CHD3: variants seen among roughly 807,000 people sequenced by gnomAD.
CHD3 encodes the protein chromodomain helicase DNA binding protein 3.
In CHD3, 52 loss-of-function variants were observed where a neutral mutation model predicts 248.9. The ratio of observed to expected loss-of-function variants is 0.21; its 90% confidence interval spans 0.17 to 0.26. The LOEUF (loss-of-function observed/expected upper bound fraction) is 0.26, where lower values mean the gene tolerates loss of function less well. Ranked by LOEUF, CHD3 falls within the 10% of genes least tolerant of loss-of-function variation. The probability of loss-of-function intolerance (pLI) is 1.00; values close to 1 mark genes in which losing one functional copy is unlikely to be tolerated. For missense variants in CHD3, 1,482 were observed against 2,605.8 expected (o/e 0.57, Z 9.39); for synonymous variants, 985 against 985.2 (o/e 1.00, Z 0.00).
In CHD3 at chr17:7,896,904, C is replaced by CTG. The variant is rs536658411; in HGVS notation, c.1708-179_1708-178insTG. Among the ~76,000 whole-genome samples the CTG allele has an allele frequency of 1.2e-3, 183 of 152,288 alleles. 4 individuals are homozygous for CTG. In the East Asian group the frequency reaches 0.028, roughly 23 times the overall value. On this transcript the variant is annotated intron_variant, in intron 10 of 39. Coordinates refer to ENST00000330494, the MANE Select transcript of CHD3 (RefSeq NM_001005273.3). ...GAACTCCTGACCTCAGGTGATCCAC[C>CTG]CGCCTGAGCCTCCTAAAGCACTGGG...
In CHD3 at chr17:7,903,546, C is replaced by G. The variant is rs755648643; in HGVS notation, c.3727+43C>G. ...AGCTCTGTGAAAGCAGGCCCCTGCT[C>G]TCTCAGGAGTACTTATCAGCCCCCT... is the stretch of plus-strand genomic sequence containing the variant. On this transcript the variant is annotated intron_variant, in intron 23 of 39. Coordinates refer to ENST00000330494, the MANE Select transcript of CHD3 (RefSeq NM_001005273.3). The surrounding 1 kb of genome is among the most constrained non-coding windows in gnomAD (Gnocchi z 6.8). 5.4e-6 allele frequency: 8 copies of G among 1,494,472 alleles called. No individual in the cohort carries two copies. The East Asian group carries it at 7.1e-5, about 13-fold the overall frequency. The allele number at this position is 1,494,472 out of a possible 1,614,324, so 92.6% of individuals were successfully genotyped here. A position where few individuals can be genotyped will look rare whatever the true frequency, so the allele number is the denominator to read the frequency against.
Position 7,900,194 on chromosome 17 carries a change from G to A in CHD3, c.2683-96G>A. 6.5e-7 allele frequency: 1 copy of A among 1,541,804 alleles called. No individual in the cohort carries two copies. Among genetic ancestry groups the A allele is most frequent in the Admixed American group, 1.7e-5 (1 of 57,544 alleles). On this transcript the variant is annotated intron_variant, in intron 16 of 39. Transcript: ENST00000330494. The surrounding 1 kb of genome is among the most constrained non-coding windows in gnomAD (Gnocchi z 6.5). ...AGATTTGGGGCCTCTGATCCTGAGT[G>A]AAATGGGAGCTGGGGCAGGGAAAGG...
Position 7,899,321 on chromosome 17 carries a change from TG to T in CHD3, c.2344-21del, listed in dbSNP as rs1331213417. 1 of 1,613,102 alleles carries T rather than the reference TG, an allele frequency of 6.2e-7. No individual in the cohort carries two copies. The highest frequency in any genetic ancestry group is 1.7e-5 in the Admixed American group (1 of 60,004). Reference sequence around the variant, plus strand: ...TACGGCCTCTAGCCTAGACTTATGCTGCCCCCATTCTTGACTCCCAGGGCCA... The same window carrying T: ...TACGGCCTCTAGCCTAGACTTATGCTCCCCCATTCTTGACTCCCAGGGCCA... On this transcript the variant is annotated intron_variant, in intron 14 of 39. Transcript: ENST00000330494. This position sits in a 1 kb window ranked among gnomAD's most constrained non-coding sequence, Gnocchi z 6.8.
rs1253266097 is a variant in CHD3, at chr17:7,907,860, T to A, written c.5027-34T>A. On this transcript the variant is annotated intron_variant, in intron 33 of 39. Transcript: ENST00000330494. The surrounding 1 kb of genome is among the most constrained non-coding windows in gnomAD (Gnocchi z 4.3). The stretch of plus-strand genomic sequence containing the variant: ...CTTGGGACCTGGGAGGAGGGTGTCC[T>A]GAGGTGTGAGCTTTGACCTGTCTGT... The A allele has an allele frequency of 1.3e-6, 2 of 1,598,304 alleles. No homozygotes were observed. Among genetic ancestry groups the A allele is most frequent in the Non-Finnish European group, 1.7e-6 (2 of 1,169,644 alleles).
chr17:7,884,914 G>T, upstream of CHD3: 1 of 1,418,606 alleles, frequency 7.0e-7, no homozygotes. Context: ...AGGAGGAGGT[G>T]GAGGCGGCCG....
At chr17:7,887,794 G>A (rs983874995), upstream of CHD3, among the ~76,000 whole-genome samples, 1 of 152,234 alleles carries the variant, frequency 6.6e-6, no homozygotes, top group African/African-American at 2.4e-5. Context: ...AGCCGGGGAT[G>A]TGGGAGAGTC....
At position 7,906,179 on chromosome 17, in the gene CHD3, A is replaced by G. The variant is rs1461098505; in HGVS notation, c.4358+190A>G. The G allele has an allele frequency of 1.1e-6, 1 of 926,078 alleles. No individual in the cohort carries two copies. Among genetic ancestry groups the G allele is most frequent in the Admixed American group, 1.7e-5 (1 of 58,884 alleles). 57.4% of individuals were successfully genotyped at this position (926,078 alleles called of 1,614,324 possible). A position where few individuals can be genotyped will look rare whatever the true frequency, so the allele number is the denominator to read the frequency against. ...ACTCCACCTCCCCTCAGCCGAGCCT[A>G]GAGTAGAGGGGCCAGGCATCCTCCC... On this transcript the variant is annotated intron_variant, in intron 28 of 39. Coordinates refer to ENST00000330494, the MANE Select transcript of CHD3 (RefSeq NM_001005273.3). The surrounding 1 kb of genome is among the most constrained non-coding windows in gnomAD (Gnocchi z 5.0).
At chr17:7,894,080 G>T (rs772539844) in intron 6 of CHD3, 35 bp from the exon 7 acceptor site, 2 of 1,518,706 alleles carry the variant, frequency 1.3e-6, no homozygotes, top group East Asian at 5.4e-5. Flanking sequence ...GTAGAATGAA[G>T]TCTGCCTCAC....
Position 7,889,775 on chromosome 17 carries a change from G to T in CHD3, c.212G>T (p.Arg71Leu), listed in dbSNP as rs766019097. ...KPGKPRKRKK[R>L]DSEEEFGSER... is the part of the protein sequence containing the mutation. ...GGAAAACCCCGAAAACGCAAGAAGCGTGTAAGTGTCAAGAATTCCTAACTC... is the reference window on the plus strand; with the variant it reads ...GGAAAACCCCGAAAACGCAAGAAGCTTGTAAGTGTCAAGAATTCCTAACTC... Residue 71 changes from arginine to leucine, a missense_variant and splice_region_variant, in exon 2 of 40, where the codon CGT becomes CTT. Physicochemically the swap from Arg to Leu is moderately radical, Grantham distance 102. Coordinates refer to ENST00000330494, the MANE Select transcript of CHD3 (RefSeq NM_001005273.3). This position sits in a 1 kb window ranked among gnomAD's most constrained non-coding sequence, Gnocchi z 4.5. The T allele has an allele frequency of 6.2e-7, 1 of 1,608,284 alleles. No individual in the cohort carries two copies. Among genetic ancestry groups the T allele is most frequent in the Admixed American group, 1.7e-5 (1 of 59,498 alleles).
At chr17:7,884,855 G>A, upstream of CHD3, 1 of 1,161,438 alleles carries the variant, frequency 8.6e-7, no homozygotes. Context: ...GGAGATGGTG[G>A]TGTCGGAGGA....
intron 20 of CHD3, 75 bp downstream of exon 20, chr17:7,901,450 C>T (rs186219028): frequency 1.9e-4 from 261 of 1,351,264 alleles, no homozygotes; most frequent in Non-Finnish European, 2.3e-4. Flanking sequence ...TAATTTCTTA[C>T]GGTCTTCCTG....
At position 7,906,043 on chromosome 17, in the gene CHD3, GT is replaced by G. The variant is rs1364294326; in HGVS notation, c.4358+56del. On this transcript the variant is annotated intron_variant, in intron 28 of 39. Transcript: ENST00000330494. This position sits in a 1 kb window ranked among gnomAD's most constrained non-coding sequence, Gnocchi z 5.0. ...GGACGCAAGGGGAAGAGCTTTGGGT[GT>G]TCCTTTCTTCCTTGGGGCCGCCATA... 1.5e-5 allele frequency: 24 copies of G among 1,607,778 alleles called. No individual in the cohort carries two copies. Among genetic ancestry groups the G allele is most frequent in the Non-Finnish European group, 1.9e-5 (22 of 1,176,360 alleles).
chr17:7,887,788 G>A (rs1230931193), upstream of CHD3, among the ~76,000 whole-genome samples: 2 of 152,208 alleles, frequency 1.3e-5, no homozygotes, highest in Non-Finnish European at 2.9e-5. Flanking sequence ...GATCCGAGCC[G>A]GGGATGTGGG....
In CHD3 at chr17:7,903,248, C is replaced by G; in HGVS notation, c.3496-24C>G. The G allele has an allele frequency of 6.2e-7, 1 of 1,610,162 alleles. No homozygotes were observed. Among genetic ancestry groups the G allele is most frequent in the Non-Finnish European group, 8.5e-7 (1 of 1,177,298 alleles). ...TCCCCGGCCACTCCCCTGACCCACC[C>G]GCCACTTTCTCTTGCCCCTGCAGGC... On this transcript the variant is annotated intron_variant, in intron 22 of 39. Coordinates refer to ENST00000330494, the MANE Select transcript of CHD3 (RefSeq NM_001005273.3). The surrounding 1 kb of genome is among the most constrained non-coding windows in gnomAD (Gnocchi z 6.8).
chr17:7,907,205 G>A lies in CHD3; in HGVS notation c.4746G>A (p.Lys1582=), dbSNP rs372490885. The change falls in exon 31 of 40, where the codon AAG becomes AAA. Residue 1582 remains lysine (K), a synonymous_variant. Transcript: ENST00000330494. The surrounding 1 kb of genome is among the most constrained non-coding windows in gnomAD (Gnocchi z 4.3). ...EKEEAENQEE[K]PEKNSRIGEK... ...AGGAAGCTGAAAACCAGGAGGAAAA[G>A]CCAGAGAAGAACAGCAGAATTGGGG... 1 of 1,614,258 alleles carries A rather than the reference G, an allele frequency of 6.2e-7. No individual in the cohort carries two copies. Among genetic ancestry groups the A allele is most frequent in the South Asian group, 1.1e-5 (1 of 91,090 alleles).
At chr17:7,896,214 C>G (rs1432533672) in intron 10 of CHD3, among the ~76,000 whole-genome samples, 1 of 119,594 alleles carries the variant, frequency 8.4e-6, no homozygotes, top group African/African-American at 4.0e-5. Flanking sequence ...GGCGACAGAG[C>G]GACACTCTAT....
rs905910472 is a variant in CHD3 at position 7,897,526 on chromosome 17, G to A, written c.1919+232G>A. On this transcript the variant is annotated intron_variant, in intron 11 of 39. Coordinates refer to ENST00000330494, the MANE Select transcript of CHD3 (RefSeq NM_001005273.3). This position sits in a 1 kb window ranked among gnomAD's most constrained non-coding sequence, Gnocchi z 4.8. ...TCCTTTGCCTCCTGTCATCTCCAGT[G>A]GCATAAGACATAGCACATGAGTCTG... Among the ~76,000 whole-genome samples, 1 of 152,156 alleles carries A rather than the reference G, an allele frequency of 6.6e-6. No homozygotes were observed. Among genetic ancestry groups the A allele is most frequent in the African/African-American group, 2.4e-5 (1 of 41,428 alleles).
upstream of CHD3, among the ~76,000 whole-genome samples, chr17:7,885,395 C>G (rs1967729698): frequency 6.7e-6 from 1 of 148,860 alleles, no homozygotes; most frequent in Non-Finnish European, 1.5e-5. Context: ...GACCGGGCCA[C>G]TCGGTCGCGG....
chr17:7,895,612 T>G lies in CHD3; in HGVS notation c.1707+70T>G. On this transcript the variant is annotated intron_variant, in intron 10 of 39. Transcript: ENST00000330494. This position sits in a 1 kb window ranked among gnomAD's most constrained non-coding sequence, Gnocchi z 4.9. ...TGCCATCCTCTCCCTCTCTTACTCC[T>G]CTGTTTGTTGGGTTCCCATACTCTT... The G allele has an allele frequency of 3.7e-6, 5 of 1,368,068 alleles. No individual in the cohort carries two copies. The highest frequency in any genetic ancestry group is 5.2e-6 in the Non-Finnish European group (5 of 967,500). 84.7% of individuals were successfully genotyped at this position (1,368,068 alleles called of 1,614,324 possible). A position where few individuals can be genotyped will look rare whatever the true frequency, so the allele number is the denominator to read the frequency against.
Sources: gnomAD v4.1 joint callset for allele counts (sites outside exome capture counted in the v4.1 genomes callset) on GRCh38, gnomAD v4.1.1 for gene constraint, Gnocchi (gnomAD v3.1) non-coding constraint, MANE v1.5 for transcripts, NCBI Gene and HGNC (gene_info 2026-07-23, HGNC 2026-07-21) for gene names.